ERO1B: variants seen among roughly 807,000 people sequenced by gnomAD.
The protein encoded by ERO1B is endoplasmic reticulum oxidoreductase 1 beta.
In ERO1B, 49 loss-of-function variants were observed where a neutral mutation model predicts 75.3. The ratio of observed to expected loss-of-function variants is 0.65; its 90% CI spans 0.52 to 0.83. The LOEUF (loss-of-function observed/expected upper bound fraction) is 0.83, where lower values mean the gene tolerates loss of function less well. Ranked by LOEUF, ERO1B falls within the 40% of genes least tolerant of loss-of-function variation. The pLI is 0.00. For synonymous variants in ERO1B, 191 were observed against 192.9 expected (o/e 0.99, Z 0.08); for missense variants, 512 against 560.1 (o/e 0.91, Z 0.87).
At chr1:236,277,958 T>C (rs1665746774) in intron 1 of ERO1B, among the ~76,000 whole-genome samples, 1 of 152,236 alleles carries the variant, frequency 6.6e-6, no homozygotes, top group Non-Finnish European at 1.5e-5. Flanking sequence ...CATAGTGATA[T>C]TAAATTATCT....
intron 2 of ERO1B, among the ~76,000 whole-genome samples, chr1:236,266,847 G>A (rs887407602): frequency 6.6e-6 from 1 of 152,168 alleles, no homozygotes; most frequent in African/African-American, 2.4e-5. Flanking sequence ...TCCTCTGTGA[G>A]AGGGTATGAG....
intron 3 of ERO1B, among the ~76,000 whole-genome samples, chr1:236,252,959 G>GTT (rs11378310): frequency 6.6e-6 from 1 of 151,110 alleles, no homozygotes. Context: ...TTAAGTATAG[G>GTT]TTTTTTTTTA....
intron 7 of ERO1B, 31 bp from the exon 8 acceptor site, chr1:236,235,866 G>C (rs765732219): frequency 6.3e-7 from 1 of 1,582,744 alleles, no homozygotes; most frequent in Non-Finnish European, 8.7e-7. Flanking sequence ...CCCAAACATA[G>C]AATGTTTTAA....
intron 6 of ERO1B, among the ~76,000 whole-genome samples, chr1:236,239,074 C>G (rs1368291667): frequency 6.6e-6 from 1 of 152,108 alleles, no homozygotes; most frequent in East Asian, 1.9e-4. Context: ...GTGCTCACCA[C>G]GACACACAGC....
intron 2 of ERO1B, among the ~76,000 whole-genome samples, chr1:236,261,134 G>A (rs906764018): frequency 2.0e-5 from 3 of 152,028 alleles, no homozygotes; most frequent in African/African-American, 7.2e-5. Flanking sequence ...AACTACCCCT[G>A]AAAAATAAGG....
At position 236,243,232 on chromosome 1, in the gene ERO1B, A is replaced by G. The variant is rs769320533; in HGVS notation, c.505+190T>C. 1.5e-3 allele frequency among the ~76,000 whole-genome samples: 232 copies of G among 152,316 alleles called. 2 individuals are homozygous for G. The highest frequency in any genetic ancestry group is 2.6e-3 in the Non-Finnish European group (180 of 68,024). On this transcript the variant is annotated intron_variant, in intron 6 of 15. Coordinates refer to ENST00000354619, the MANE Select transcript of ERO1B (RefSeq NM_019891.4). ...ATGAAGGTAGCTGCAAAGACCAGAA[A>G]TAATGTATTTAAGGCACTTAACATA... is the stretch of plus-strand genomic sequence containing the variant.
Position 236,226,355 on chromosome 1 carries a change from C to A in ERO1B, c.966G>T (p.Glu322Asp), listed in dbSNP as rs188136623. ...RALSKVAPYF[E>D]RSIVDLYTGN... ...CAGTGTAAAGATCGACAATTGAGCG[C>A]TCAAAATATGGAGCCACCTTTGACA... Residue 322 changes from glutamate (E) to aspartate (D), a missense_variant, in exon 12 of 16, where the codon GAG (glutamate) becomes GAT (aspartate). By Grantham distance (45) the Glu-to-Asp change is conservative. Coordinates refer to ENST00000354619, the MANE Select transcript of ERO1B (RefSeq NM_019891.4). 2.6e-4 allele frequency: 415 copies of A among 1,614,072 alleles called. No homozygotes were observed. The East Asian group carries it at 8.7e-3, about 34-fold the overall frequency.
At chr1:236,241,776 A>G (rs1289029892) in intron 6 of ERO1B, among the ~76,000 whole-genome samples, 1 of 152,118 alleles carries the variant, frequency 6.6e-6, no homozygotes, top group African/African-American at 2.4e-5. Context: ...ATTTTAAAAA[A>G]TAGTTAACAC....
intron 8 of ERO1B, among the ~76,000 whole-genome samples, chr1:236,234,035 T>A (rs1664479665): frequency 1.3e-5 from 2 of 152,226 alleles, no homozygotes; most frequent in Admixed American, 1.3e-4. Flanking sequence ...CTAGGGGTTA[T>A]GACTCAGAAA....
chr1:236,219,836 C>T lies in ERO1B; in HGVS notation c.1343+996G>A, dbSNP rs1364737413. Among the ~76,000 whole-genome samples the T allele has an allele frequency of 6.6e-5, 10 of 152,038 alleles. No individual in the cohort carries two copies. The East Asian group carries it at 1.6e-3, about 24-fold the overall frequency. ...AGGTGTTTGAGACCAGACTGGACAA[C>T]AAAGTGAGACCCCCATCTCTACAAA... On this transcript the variant is annotated intron_variant, in intron 15 of 15. Coordinates refer to ENST00000354619, the MANE Select transcript of ERO1B (RefSeq NM_019891.4).
intron 13 of ERO1B, among the ~76,000 whole-genome samples, chr1:236,224,261 T>G (rs1047048194): frequency 2.6e-5 from 4 of 152,126 alleles, no homozygotes; most frequent in Non-Finnish European, 5.9e-5. Flanking sequence ...AGAAAATGTT[T>G]CAGTTTTTGA....
chr1:236,274,553 G>C (rs1665669213), intron 1 of ERO1B, among the ~76,000 whole-genome samples: 1 of 152,022 alleles, frequency 6.6e-6, no homozygotes, highest in Non-Finnish European at 1.5e-5. Flanking sequence ...AGATGTATTA[G>C]ACATTCTCAC....
At chr1:236,268,561 G>GGCTTC (rs1558521958) in intron 2 of ERO1B, among the ~76,000 whole-genome samples, 1 of 152,144 alleles carries the variant, frequency 6.6e-6, no homozygotes, top group African/African-American at 2.4e-5. Context: ...AGATCGGCCT[G>GGCTTC]GGCAAACATG....
chr1:236,273,633 C>T (rs1217584506), intron 1 of ERO1B, among the ~76,000 whole-genome samples: 1 of 151,648 alleles, frequency 6.6e-6, no homozygotes, highest in Non-Finnish European at 1.5e-5. Context: ...ATGGCAAAAC[C>T]CTGTCTCTAC....
intron 9 of ERO1B, among the ~76,000 whole-genome samples, chr1:236,231,726 G>T (rs143180522): frequency 6.6e-6 from 1 of 152,038 alleles, no homozygotes; most frequent in Non-Finnish European, 1.5e-5. Flanking sequence ...AGACGGTGGG[G>T]AATTACTTTG....
At chr1:236,245,045 G>A (rs1456115766) in intron 5 of ERO1B, among the ~76,000 whole-genome samples, 10 of 151,576 alleles carry the variant, frequency 6.6e-5, no homozygotes, top group Non-Finnish European at 1.5e-4. Flanking sequence ...AGGCTGGAGT[G>A]CACTGACATC....
At chr1:236,236,216 A>C (rs1664540145) in intron 7 of ERO1B, 62 bp downstream of exon 7, 8 of 1,599,476 alleles carry the variant, frequency 5.0e-6, no homozygotes, top group South Asian at 4.5e-5. Flanking sequence ...CGTGAGCCAC[A>C]GCACCCGGCC....
chr1:236,241,984 C>T (rs555174534), intron 6 of ERO1B, among the ~76,000 whole-genome samples: 1 of 150,822 alleles, frequency 6.6e-6, no homozygotes, highest in African/African-American at 2.4e-5. Context: ...AGGAGAATGG[C>T]GTGAACCTGG....
In ERO1B at chr1:236,281,678, T is replaced by C; in HGVS notation, c.102+4A>G. On this transcript the variant is annotated splice_donor_region_variant and intron_variant, in intron 1 of 15. Coordinates refer to ENST00000354619, the MANE Select transcript of ERO1B (RefSeq NM_019891.4). ...GTTCCCGGCCCGCTATCACTCGGGC[T>C]TACCTGCGCCTCGACGACGCTCCGC... 1.4e-6 allele frequency: 2 copies of C among 1,468,740 alleles called. No individual in the cohort carries two copies. Among genetic ancestry groups the C allele is most frequent in the Non-Finnish European group, 1.8e-6 (2 of 1,106,984 alleles). The allele number at this position is 1,468,740 out of a possible 1,614,324, so 91.0% of individuals were successfully genotyped here. A position where few individuals can be genotyped will look rare whatever the true frequency, so the allele number is the denominator to read the frequency against.
Sources: allele counts gnomAD v4.1 joint callset (sites outside exome capture counted in the v4.1 genomes callset), GRCh38; gene constraint gnomAD v4.1.1; transcripts MANE v1.5; gene names NCBI Gene and HGNC (gene_info 2026-07-23, HGNC 2026-07-21).